Variants in TRPM3 observed in about 807,000 individuals in gnomAD.
TRPM3 encodes the protein transient receptor potential cation channel subfamily M member 3, also known as long transient receptor potential channel 3.
TRPM3 carries 77 observed loss-of-function variants against 181.2 expected under a neutral mutation model. The observed-to-expected ratio is 0.42, with a 90% confidence interval of 0.35 to 0.51. The LOEUF is 0.51. Ranked by LOEUF, TRPM3 falls within the 20% of genes least tolerant of loss-of-function variation. The pLI, the probability that TRPM3 is intolerant of heterozygous loss-of-function variation, is 0.01. For missense variants in TRPM3, 1,759 were observed against 2,196.7 expected (o/e 0.80, Z 3.98); for synonymous variants, 745 against 796.4 (o/e 0.94, Z 1.09).
chr9:70,803,030 TTG>T (rs151028629), intron 6 of TRPM3, among the ~76,000 whole-genome samples: 12,245 of 96,502 alleles, frequency 0.13, 661 homozygotes, highest in Non-Finnish European at 0.16. Context: ...TGGAGAAATT[TTG>T]TAAAAAAAAA....
intron 6 of TRPM3, among the ~76,000 whole-genome samples, chr9:70,805,962 G>A (rs560889792): frequency 6.6e-6 from 1 of 152,150 alleles, no homozygotes; most frequent in Non-Finnish European, 1.5e-5. Context: ...ATGAGGAAGG[G>A]CTCAGCTCAG....
intron 1 of TRPM3, among the ~76,000 whole-genome samples, chr9:71,325,927 G>A (rs188299346): frequency 2.0e-5 from 3 of 152,032 alleles, no homozygotes; most frequent in Non-Finnish European, 4.4e-5. Flanking sequence ...CAAATTTCTG[G>A]GAAGCTTGGG....
intron 8 of TRPM3, among the ~76,000 whole-genome samples, chr9:70,689,371 G>A (rs2067855211): frequency 6.6e-6 from 1 of 151,972 alleles, no homozygotes; most frequent in Non-Finnish European, 1.5e-5. Flanking sequence ...ATATATTATA[G>A]CATTAGCATA....
intron 6 of TRPM3, among the ~76,000 whole-genome samples, chr9:70,799,377 G>A (rs533868867): frequency 2.4e-4 from 36 of 152,312 alleles, no homozygotes; most frequent in African/African-American, 8.7e-4. Flanking sequence ...CTGATCCACA[G>A]TTGGGAAAAG....
chr9:71,421,153 C>G (rs1386356163), intron 1 of TRPM3, among the ~76,000 whole-genome samples: 2 of 151,586 alleles, frequency 1.3e-5, no homozygotes, highest in Non-Finnish European at 2.9e-5. Flanking sequence ...TAAGTGGGAG[C>G]TAAATATTGG....
At chr9:71,104,281 A>T (rs949738291) in intron 1 of TRPM3, among the ~76,000 whole-genome samples, 4 of 152,202 alleles carry the variant, frequency 2.6e-5, no homozygotes, top group Non-Finnish European at 5.9e-5. Flanking sequence ...GGCACAGCCA[A>T]CATTTTGTAA....
intron 1 of TRPM3, among the ~76,000 whole-genome samples, chr9:71,055,176 G>A (rs758368790): frequency 2.6e-5 from 4 of 152,004 alleles, no homozygotes; most frequent in African/African-American, 9.7e-5. Context: ...GAGGTGGTTC[G>A]GACAGGGTAC....
At chr9:71,391,136 T>C (rs746620236) in intron 1 of TRPM3, among the ~76,000 whole-genome samples, 2 of 151,562 alleles carry the variant, frequency 1.3e-5, no homozygotes, top group Non-Finnish European at 2.9e-5. Flanking sequence ...CACCGCTGCC[T>C]GAACAAAAAA....
chr9:71,296,218 A>G (rs1165684065), intron 1 of TRPM3, among the ~76,000 whole-genome samples: 1 of 152,164 alleles, frequency 6.6e-6, no homozygotes, highest in African/African-American at 2.4e-5. Flanking sequence ...CAGTCACTAA[A>G]TATACATTGA....
chr9:71,201,932 GCT>G (rs572543034), intron 1 of TRPM3, among the ~76,000 whole-genome samples: 208 of 152,308 alleles, frequency 1.4e-3, no homozygotes, highest in African/African-American at 4.6e-3. Flanking sequence ...CAGTTTTTCT[GCT>G]CTGTTTTTTC....
chr9:70,958,240 G>C (rs1043161026), intron 1 of TRPM3, among the ~76,000 whole-genome samples: 1 of 152,126 alleles, frequency 6.6e-6, no homozygotes, highest in African/African-American at 2.4e-5. Context: ...AGCAAAGTTT[G>C]TATGGTTCTG....
At chr9:70,606,967 A>T (rs955624906) in intron 19 of TRPM3, among the ~76,000 whole-genome samples, 1 of 151,988 alleles carries the variant, frequency 6.6e-6, no homozygotes, top group Non-Finnish European at 1.5e-5. Context: ...CTTGTAGAGG[A>T]TAGAGTTGGT....
intron 5 of TRPM3, among the ~76,000 whole-genome samples, chr9:70,838,979 C>A (rs1414632953): frequency 6.6e-6 from 1 of 152,152 alleles, no homozygotes; most frequent in Non-Finnish European, 1.5e-5. Flanking sequence ...CCATCCCACA[C>A]TGTTTTACCG....
chr9:71,174,544 A>G (rs1368675416), intron 1 of TRPM3, among the ~76,000 whole-genome samples: 2 of 151,238 alleles, frequency 1.3e-5, no homozygotes, highest in African/African-American at 4.9e-5. Context: ...TCCATCTCCA[A>G]AAAAAAAAGA....
chr9:70,922,624 T>C (rs1331269601), intron 1 of TRPM3, among the ~76,000 whole-genome samples: 2 of 152,218 alleles, frequency 1.3e-5, no homozygotes, highest in Non-Finnish European at 2.9e-5. Context: ...ATTTTCCTAC[T>C]AAATCATTTC....
At chr9:71,180,490 T>C (rs1346383507) in intron 1 of TRPM3, among the ~76,000 whole-genome samples, 1 of 152,174 alleles carries the variant, frequency 6.6e-6, no homozygotes, top group African/African-American at 2.4e-5. Context: ...GTAAGTACTC[T>C]ATTTGAAAGC....
intron 6 of TRPM3, 82 bp downstream of exon 6, chr9:70,827,765 C>T (rs759221998): frequency 6.8e-7 from 1 of 1,481,216 alleles, no homozygotes; most frequent in Non-Finnish European, 9.2e-7. Context: ...GTTTTTATTA[C>T]ATTGCTGCAT....
At chr9:71,299,579 A>T (rs1007066682) in intron 1 of TRPM3, among the ~76,000 whole-genome samples, 1 of 151,992 alleles carries the variant, frequency 6.6e-6, no homozygotes, top group Admixed American at 6.6e-5. Context: ...AGGAGGGAAG[A>T]GAAATGTTAA....
chr9:70,981,616 C>A, intron 1 of TRPM3, among the ~76,000 whole-genome samples: 1 of 152,084 alleles, frequency 6.6e-6, no homozygotes, highest in East Asian at 1.9e-4. Context: ...GTTTTCTTGA[C>A]TGCAATATGA....
Sources: gnomAD v4.1 joint callset for allele counts (sites outside exome capture counted in the v4.1 genomes callset) on GRCh38, gnomAD v4.1.1 for gene constraint, MANE v1.5 for transcripts, NCBI Gene and HGNC (gene_info 2026-07-23, HGNC 2026-07-21) for gene names.